Variants in VAMP8 observed in about 807,000 individuals in gnomAD.
The protein encoded by VAMP8 is vesicle associated membrane protein 8.
Under a neutral mutation model 11.4 loss-of-function variants are expected in VAMP8, and 9 were observed. That is an observed-to-expected ratio of 0.79 (90% CI 0.48 to 1.38). The LOEUF (loss-of-function observed/expected upper bound fraction) is 1.38. Ranked by LOEUF, VAMP8 falls within the 40% of genes most tolerant of loss-of-function variation. The pLI is 0.00. For missense variants in VAMP8, 108 were observed against 127.8 expected (o/e 0.85, Z 0.75); for synonymous variants, 42 against 44.7 (o/e 0.94, Z 0.24).
At position 85,577,639 on chromosome 2, in the gene VAMP8, T is replaced by C. The variant is rs1051618590; in HGVS notation, c.-8T>C. On this transcript the variant is annotated 5_prime_UTR_variant, in exon 1 of 3. Coordinates refer to ENST00000263864, the MANE Select transcript of VAMP8 (RefSeq NM_003761.5). Reference sequence around the variant, plus strand: ...TCACTTACTGACCGGCCTGGGCTGCTCTGAGACATGGTGAGCCAACTGGGA... The same window carrying C: ...TCACTTACTGACCGGCCTGGGCTGCCCTGAGACATGGTGAGCCAACTGGGA... 9.0e-6 allele frequency: 14 copies of C among 1,551,960 alleles called. No individual in the cohort carries two copies. In the Admixed American group the frequency reaches 2.7e-4, roughly 30 times the overall value.
In VAMP8 at chr2:85,581,776, G is replaced by C. The variant is rs540788598; in HGVS notation, c.*60G>C. ...CAGGGACAACCCTCCATAAATGTGT[G>C]CCAAGAGGGTCTCCTTTCCTGTCTT... On this transcript the variant is annotated 3_prime_UTR_variant, in exon 3 of 3. Coordinates refer to ENST00000263864, the MANE Select transcript of VAMP8 (RefSeq NM_003761.5). 94 of 1,600,838 alleles carry C rather than the reference G, an allele frequency of 5.9e-5. No individual in the cohort carries two copies. The highest frequency in any genetic ancestry group is 7.3e-5 in the Non-Finnish European group (86 of 1,171,628).
Position 85,577,608 on chromosome 2 carries a change from G to A in VAMP8, c.-39G>A. ...GCCACCCTGGGAGGAAGCCGACTAG[G>A]CGAATTCACTTACTGACCGGCCTGG... On this transcript the variant is annotated 5_prime_UTR_variant, in exon 1 of 3. Transcript: ENST00000263864. The A allele has an allele frequency of 6.4e-7, 1 of 1,551,868 alleles. No individual in the cohort carries two copies. The highest frequency in any genetic ancestry group is 8.7e-7 in the Non-Finnish European group (1 of 1,147,140).
At chr2:85,580,561 T>G (rs1411666920) in intron 2 of VAMP8, among the ~76,000 whole-genome samples, 2 of 151,918 alleles carry the variant, frequency 1.3e-5, no homozygotes, top group African/African-American at 2.4e-5. Context: ...CCTAGTCATA[T>G]CTAGGTGGAG....
Position 85,579,639 on chromosome 2 carries a change from G to A in VAMP8, c.162+472G>A, listed in dbSNP as rs1672335826. 7.5e-6 allele frequency: 11 copies of A among 1,464,414 alleles called. 1 individual carries two copies. The South Asian group carries it at 1.6e-4, about 21-fold the overall frequency. 90.7% of individuals were successfully genotyped at this position (1,464,414 alleles called of 1,614,324 possible). On this transcript the variant is annotated intron_variant, in intron 2 of 2. Transcript: ENST00000263864. ...CTGAGTAGGCTTTAAAAAGAAGGGG[G>A]AAAGAGCAGTGAAATGCTTTGATCC...
In VAMP8 at chr2:85,579,778, A is replaced by C. The variant is rs1269704538; in HGVS notation, c.162+611A>C. 12 of 1,550,544 alleles carry C rather than the reference A, an allele frequency of 7.7e-6. No homozygotes were observed. In the South Asian group the frequency reaches 1.2e-4, roughly 15 times the overall value. ...GGCCAGCTGTTTCAGGGAGGAAGTAACTCCAAAGTTGAGCAAAGTCTGGAG... is the reference window on the plus strand; with the variant it reads ...GGCCAGCTGTTTCAGGGAGGAAGTACCTCCAAAGTTGAGCAAAGTCTGGAG... On this transcript the variant is annotated intron_variant, in intron 2 of 2. Transcript: ENST00000263864.
intron 2 of VAMP8, 110 bp from the exon 3 acceptor site, chr2:85,581,466 C>T: frequency 7.4e-7 from 1 of 1,347,702 alleles, no homozygotes; most frequent in Non-Finnish European, 1.0e-6. Context: ...AGCGAGACTC[C>T]ATCTCAAAAA....
intron 2 of VAMP8, among the ~76,000 whole-genome samples, 194 bp downstream of exon 2, chr2:85,579,361 T>A (rs1305928972): frequency 6.6e-6 from 1 of 152,198 alleles, no homozygotes; most frequent in Non-Finnish European, 1.5e-5. Flanking sequence ...TCCCAGGGAA[T>A]GGATCCCATG....
chr2:85,581,344 G>A (rs1219239914), intron 2 of VAMP8, among the ~76,000 whole-genome samples: 1 of 152,124 alleles, frequency 6.6e-6, no homozygotes, highest in Non-Finnish European at 1.5e-5. Flanking sequence ...GCTGGGCGTG[G>A]TGGTGGGCAC....
At chr2:85,579,598 A>T (rs1360175687) in intron 2 of VAMP8, 1 of 1,356,920 alleles carries the variant, frequency 7.4e-7, no homozygotes, top group East Asian at 2.6e-5. Flanking sequence ...AGGGGTGGGA[A>T]ATTGCTGGCG....
At chr2:85,579,863 C>CT in intron 2 of VAMP8, 1 of 1,550,490 alleles carries the variant, frequency 6.4e-7, no homozygotes, top group South Asian at 1.2e-5. Flanking sequence ...TGTGTGAACT[C>CT]TTGGCTCTTG....
intron 1 of VAMP8, 74 bp from the exon 2 acceptor site, chr2:85,578,935 C>T: frequency 6.6e-7 from 1 of 1,519,564 alleles, no homozygotes; most frequent in Non-Finnish European, 8.9e-7. Context: ...GAGGCCTTAC[C>T]CTCCCCAGAT....
At chr2:85,579,974 TAGAC>T in intron 2 of VAMP8, 1 of 1,298,996 alleles carries the variant, frequency 7.7e-7, no homozygotes, top group African/African-American at 1.5e-5. Flanking sequence ...TTTTTTTTTT[TAGAC>T]AGAGCCTCAC....
intron 2 of VAMP8, chr2:85,579,830 G>T: frequency 6.4e-7 from 1 of 1,550,668 alleles, no homozygotes; most frequent in South Asian, 1.2e-5. Context: ...CAGCGGGGAG[G>T]CTGGCTCTGG....
chr2:85,578,166 G>C (rs1206121942), intron 1 of VAMP8, among the ~76,000 whole-genome samples: 1 of 152,218 alleles, frequency 6.6e-6, no homozygotes, highest in Non-Finnish European at 1.5e-5. Context: ...AGAACCAGAA[G>C]TTGGTTCTCT....
At chr2:85,579,836 T>C (rs1672340234) in intron 2 of VAMP8, 1 of 1,550,560 alleles carries the variant, frequency 6.4e-7, no homozygotes, top group Admixed American at 2.0e-5. Flanking sequence ...GGAGGCTGGC[T>C]CTGGCTTTCT....
rs1384720746 is a variant in VAMP8, at chr2:85,579,185, C to T, written c.162+18C>T. ...AAGCCACAGTGAGACAGGGAGCCCA[C>T]TGGGGGCTGGAGGAAAACAGGGAGG... On this transcript the variant is annotated intron_variant, in intron 2 of 2. Coordinates refer to ENST00000263864, the MANE Select transcript of VAMP8 (RefSeq NM_003761.5). 5 of 1,566,026 alleles carry T rather than the reference C, an allele frequency of 3.2e-6. No individual in the cohort carries two copies. Among genetic ancestry groups the T allele is most frequent in the Non-Finnish European group, 3.5e-6 (4 of 1,151,470 alleles).
At chr2:85,578,413 A>T (rs1006075927) in intron 1 of VAMP8, among the ~76,000 whole-genome samples, 1 of 152,130 alleles carries the variant, frequency 6.6e-6, no homozygotes, top group Admixed American at 6.6e-5. Context: ...AGTGGTGGGG[A>T]AAGCAGAAGT....
At chr2:85,580,799 T>A (rs1374176596) in intron 2 of VAMP8, among the ~76,000 whole-genome samples, 4 of 151,438 alleles carry the variant, frequency 2.6e-5, no homozygotes, top group Non-Finnish European at 5.9e-5. Flanking sequence ...CCTAAGTAGC[T>A]GGGATTACAG....
At chr2:85,578,374 C>T (rs748017054) in intron 1 of VAMP8, among the ~76,000 whole-genome samples, 2 of 152,160 alleles carry the variant, frequency 1.3e-5, no homozygotes, top group Non-Finnish European at 2.9e-5. Context: ...CATAAGCAGG[C>T]GGTTGCTTGG....
Sources: gnomAD v4.1 joint callset for allele counts (sites outside exome capture counted in the v4.1 genomes callset) on GRCh38, gnomAD v4.1.1 for gene constraint, MANE v1.5 for transcripts, NCBI Gene and HGNC (gene_info 2026-07-23, HGNC 2026-07-21) for gene names.